Variants in ATP13A5 observed in about 807,000 individuals in gnomAD.
ATP13A5 encodes ATPase 13A5, also known as probable cation-transporting ATPase 13A5.
ATP13A5 carries 149 observed loss-of-function variants against 150.2 expected under a neutral mutation model. The observed-to-expected ratio is 0.99, with a 90% CI of 0.87 to 1.14. The LOEUF is 1.14. Among genes scored for constraint, ATP13A5 ranks in the 50% most tolerant of loss-of-function variants. The probability of loss-of-function intolerance (pLI) is 0.00; values close to 1 mark genes in which losing one functional copy is unlikely to be tolerated. For synonymous variants in ATP13A5, 497 were observed against 522.2 expected (o/e 0.95, Z 0.66); for missense variants, 1,383 against 1,449.3 (o/e 0.95, Z 0.74).
At chr3:193,339,556 C>T (rs776948218) in intron 9 of ATP13A5, among the ~76,000 whole-genome samples, 1 of 152,138 alleles carries the variant, frequency 6.6e-6, no homozygotes, top group Non-Finnish European at 1.5e-5. Flanking sequence ...GTGTAAGAAG[C>T]TATAAAATTG....
At chr3:193,275,935 G>A (rs1717177396) in intron 29 of ATP13A5, among the ~76,000 whole-genome samples, 1 of 152,106 alleles carries the variant, frequency 6.6e-6, no homozygotes, top group Non-Finnish European at 1.5e-5. Flanking sequence ...GATTTTTAGT[G>A]ACTAGCATTT....
intron 16 of ATP13A5, among the ~76,000 whole-genome samples, chr3:193,319,578 TC>T (rs773566872): frequency 9.2e-5 from 14 of 152,296 alleles, no homozygotes; most frequent in Non-Finnish European, 1.6e-4. Flanking sequence ...TCCTGGCCTT[TC>T]CAGCCCCCAG....
chr3:193,328,848 T>C (rs573099005), intron 12 of ATP13A5, among the ~76,000 whole-genome samples: 9 of 152,234 alleles, frequency 5.9e-5, no homozygotes, highest in Non-Finnish European at 1.3e-4. Context: ...ATTCAATTAA[T>C]GGCAGAGTGC....
At chr3:193,322,620 T>G in intron 14 of ATP13A5, 46 bp from the exon 15 acceptor site, 1 of 1,333,080 alleles carries the variant, frequency 7.5e-7, no homozygotes. Flanking sequence ...AATAAAAATA[T>G]TAAGAAAGAA....
intron 1 of ATP13A5, among the ~76,000 whole-genome samples, chr3:193,366,717 A>G (rs1253089018): frequency 6.6e-6 from 1 of 152,098 alleles, no homozygotes; most frequent in African/African-American, 2.4e-5. Flanking sequence ...GAATGCAGGA[A>G]GTCTGAACAC....
intron 28 of ATP13A5, among the ~76,000 whole-genome samples, chr3:193,279,114 CATA>C (rs1175101453): frequency 6.6e-6 from 1 of 152,026 alleles, no homozygotes; most frequent in Non-Finnish European, 1.5e-5. Context: ...TATAACATAG[CATA>C]ATAAAGTATC....
intron 23 of ATP13A5, among the ~76,000 whole-genome samples, chr3:193,305,336 A>G (rs955375556): frequency 6.6e-6 from 1 of 152,212 alleles, no homozygotes. Context: ...AACTGTTTAC[A>G]TGATACCCAC....
chr3:193,289,568 C>G (rs1717862877), intron 26 of ATP13A5, among the ~76,000 whole-genome samples: 1 of 152,088 alleles, frequency 6.6e-6, no homozygotes, highest in Non-Finnish European at 1.5e-5. Flanking sequence ...GTGCACAAAG[C>G]CTATTTACTA....
intron 23 of ATP13A5, among the ~76,000 whole-genome samples, chr3:193,305,016 CCAGTCAA>C (rs57034119): frequency 0.42 from 63,763 of 151,442 alleles, 14,709 homozygotes; most frequent in Non-Finnish European, 0.52. Flanking sequence ...CCCCCATGAT[CCAGTCAA>C]CAGGCTGGGA....
chr3:193,347,360 G>A (rs1577363091), intron 7 of ATP13A5, among the ~76,000 whole-genome samples: 1 of 144,180 alleles, frequency 6.9e-6, no homozygotes, highest in South Asian at 2.2e-4. Flanking sequence ...ATAAAAGGGG[G>A]TTGAAAAATG....
chr3:193,323,458 T>C (rs1171871673), intron 14 of ATP13A5: 1 of 152,240 alleles, frequency 6.6e-6, no homozygotes, highest in Non-Finnish European at 1.5e-5. Context: ...TCTTAACAGA[T>C]GGTTCTTACA....
At chr3:193,345,960 T>C (rs1356988981) in intron 7 of ATP13A5, among the ~76,000 whole-genome samples, 2 of 152,102 alleles carry the variant, frequency 1.3e-5, no homozygotes, top group Admixed American at 1.3e-4. Context: ...GGTTGTGTTC[T>C]GATTGCATGT....
At chr3:193,331,441 TC>T in intron 11 of ATP13A5, 130 bp from the exon 12 acceptor site, 1 of 755,970 alleles carries the variant, frequency 1.3e-6, no homozygotes, top group Non-Finnish European at 2.0e-6. Context: ...CTACTCCCAG[TC>T]CACCAACCCC....
At chr3:193,344,935 A>C in intron 8 of ATP13A5, 68 bp downstream of exon 8, 1 of 1,401,872 alleles carries the variant, frequency 7.1e-7, no homozygotes, top group Non-Finnish European at 1.0e-6. Flanking sequence ...ACTAATAATT[A>C]AGGACAAATG....
intron 11 of ATP13A5, 124 bp from the exon 12 acceptor site, chr3:193,331,435 T>A (rs1711626836): frequency 4.8e-6 from 4 of 834,794 alleles, no homozygotes; most frequent in Non-Finnish European, 7.0e-6. Context: ...TGATCCCTAC[T>A]CCCAGTCCAC....
At chr3:193,333,047 A>G (rs954147826) in intron 11 of ATP13A5, among the ~76,000 whole-genome samples, 1 of 151,860 alleles carries the variant, frequency 6.6e-6, no homozygotes, top group Admixed American at 6.6e-5. Flanking sequence ...TGAAATAACT[A>G]CTCAGCAGTT....
intron 1 of ATP13A5, among the ~76,000 whole-genome samples, chr3:193,368,353 G>A (rs997092461): frequency 2.0e-5 from 3 of 151,372 alleles, no homozygotes; most frequent in African/African-American, 7.3e-5. Context: ...TAAGTTTGGG[G>A]ATTAGCCATT....
chr3:193,276,742 T>C lies in ATP13A5; in HGVS notation c.3396+8A>G, dbSNP rs371770107. On this transcript the variant is annotated splice_region_variant and intron_variant, in intron 29 of 29. Coordinates refer to ENST00000342358, the MANE Select transcript of ATP13A5 (RefSeq NM_198505.4). ...ATCTTCCTAGAAAAAATATAGAGAT[T>C]ACTTTACCTCTACAAAGAAAGCCAC... 3.8e-6 allele frequency: 6 copies of C among 1,569,810 alleles called. No homozygotes were observed. The highest frequency in any genetic ancestry group is 5.2e-6 in the Non-Finnish European group (6 of 1,146,828).
intron 13 of ATP13A5, among the ~76,000 whole-genome samples, chr3:193,325,474 G>T (rs1179689257): frequency 6.6e-6 from 1 of 152,184 alleles, no homozygotes; most frequent in Non-Finnish European, 1.5e-5. Flanking sequence ...GGATAGAATT[G>T]CAGGGACTTT....
Sources: allele counts gnomAD v4.1 joint callset (sites outside exome capture counted in the v4.1 genomes callset), GRCh38; gene constraint gnomAD v4.1.1; transcripts MANE v1.5; gene names NCBI Gene and HGNC (gene_info 2026-07-23, HGNC 2026-07-21).